The following C1QTNF3 variants were observed in gnomAD, a reference collection of about 807,000 sequenced individuals.
C1QTNF3 encodes the protein C1q and TNF related 3.
A neutral mutation model predicts 32.6 loss-of-function variants in C1QTNF3; 26 were observed. The ratio of observed to expected loss-of-function variants is 0.80; its 90% confidence interval spans 0.58 to 1.11. C1QTNF3 has a LOEUF of 1.11. C1QTNF3 is among the 50% of genes least tolerant of loss of function. The pLI is 0.00. For synonymous variants in C1QTNF3, 155 were observed against 146.0 expected (o/e 1.06, Z -0.44); for missense variants, 362 against 398.2 (o/e 0.91, Z 0.77).
intron 4 of C1QTNF3, among the ~76,000 whole-genome samples, chr5:34,026,142 G>A (rs1316623470): frequency 6.6e-6 from 1 of 152,192 alleles, no homozygotes; most frequent in Admixed American, 6.5e-5. Context: ...GCAACGCTAG[G>A]AGACTGGAAG....
rs1754295350 is a variant in C1QTNF3 at position 34,020,405 on chromosome 5, T to C, written c.*178A>G. 2 of 700,022 alleles carry C rather than the reference T, an allele frequency of 2.9e-6. No homozygotes were observed. The highest frequency in any genetic ancestry group is 4.8e-6 in the Non-Finnish European group (2 of 420,692). 43.4% of individuals were successfully genotyped at this position (700,022 alleles called of 1,614,324 possible). A position where few individuals can be genotyped will look rare whatever the true frequency, so the allele number is the denominator to read the frequency against. On this transcript the variant is annotated 3_prime_UTR_variant, in exon 6 of 6. Transcript: ENST00000382065. Reference sequence around the variant, plus strand: ...TCTGAGAAGACTATTTTGTGGTTGATTCTTCTGAGCCCCTGAATTGTCCAA... The same window carrying C: ...TCTGAGAAGACTATTTTGTGGTTGACTCTTCTGAGCCCCTGAATTGTCCAA...
chr5:34,173,933 G>A, the C1QTNF3 span, among the ~76,000 whole-genome samples: 1 of 152,144 alleles, frequency 6.6e-6, no homozygotes, highest in Non-Finnish European at 1.5e-5. Flanking sequence ...AGTAGAGTCA[G>A]CATGGTCAAA....
the C1QTNF3 span, among the ~76,000 whole-genome samples, chr5:34,115,241 G>A: frequency 1.3e-5 from 2 of 152,074 alleles, no homozygotes; most frequent in Admixed American, 6.5e-5. Flanking sequence ...CAATCTAAAT[G>A]AGTATTAGAT....
At chr5:34,229,991 G>GT in the C1QTNF3 span, among the ~76,000 whole-genome samples, 2 of 152,286 alleles carry the variant, frequency 1.3e-5, no homozygotes, top group African/African-American at 4.8e-5. Flanking sequence ...GAAAGGCCAT[G>GT]TGAACACAGA....
the C1QTNF3 span, among the ~76,000 whole-genome samples, chr5:34,155,764 C>T: frequency 6.6e-6 from 1 of 152,036 alleles, no homozygotes; most frequent in Admixed American, 6.6e-5. Flanking sequence ...AACTACAAAT[C>T]TTGACTGTTG....
At chr5:34,050,012 C>T in the C1QTNF3 span, among the ~76,000 whole-genome samples, 1 of 152,204 alleles carries the variant, frequency 6.6e-6, no homozygotes, top group East Asian at 1.9e-4. Flanking sequence ...AAAAAATTCA[C>T]ACTGTAAAAA....
the C1QTNF3 span, among the ~76,000 whole-genome samples, chr5:34,136,553 G>A: frequency 2.6e-5 from 4 of 152,248 alleles, no homozygotes; most frequent in East Asian, 7.7e-4. Flanking sequence ...CTGTTGGTGG[G>A]AGTGTAAATT....
At chr5:34,216,082 T>C in the C1QTNF3 span, among the ~76,000 whole-genome samples, 2 of 152,338 alleles carry the variant, frequency 1.3e-5, no homozygotes, top group African/African-American at 4.8e-5. Flanking sequence ...GTGTGGATAG[T>C]AAAACAATTA....
the C1QTNF3 span, among the ~76,000 whole-genome samples, chr5:34,234,588 A>G: frequency 1.3e-5 from 2 of 152,022 alleles, no homozygotes; most frequent in Non-Finnish European, 2.9e-5. Context: ...GTCAAAACAC[A>G]AATTATCTGT....
chr5:34,048,289 T>TGAGAGAGAGAGAGAGAGAGAGAGAGAGA, the C1QTNF3 span, among the ~76,000 whole-genome samples: 6 of 141,172 alleles, frequency 4.3e-5, no homozygotes, highest in African/African-American at 1.6e-4. Flanking sequence ...TGTGTGTGCA[T>TGAGAGAGAGAGAGAGAGAGAGAGAGAGA]GAGAGAGAGA....
chr5:34,222,946 T>C, the C1QTNF3 span, among the ~76,000 whole-genome samples: 1 of 151,980 alleles, frequency 6.6e-6, no homozygotes, highest in African/African-American at 2.4e-5. Context: ...ATTAACAGTG[T>C]GCATTTTTAC....
the C1QTNF3 span, among the ~76,000 whole-genome samples, chr5:34,142,442 A>C: frequency 3.4e-5 from 5 of 149,248 alleles, no homozygotes; most frequent in African/African-American, 1.3e-4. Flanking sequence ...AAAAAAAAAA[A>C]AAACAGAAAA....
At chr5:34,233,959 C>T in the C1QTNF3 span, among the ~76,000 whole-genome samples, 7 of 152,072 alleles carry the variant, frequency 4.6e-5, no homozygotes, top group African/African-American at 1.4e-4. Context: ...AGACTTTTTA[C>T]ATTTTGCAAT....
the C1QTNF3 span, among the ~76,000 whole-genome samples, chr5:34,077,188 C>G: frequency 2.0e-5 from 3 of 151,544 alleles, no homozygotes; most frequent in African/African-American, 7.3e-5. Context: ...GTTACACAAC[C>G]GCAGCTGTTT....
the C1QTNF3 span, chr5:34,200,581 G>A: frequency 6.6e-6 from 1 of 152,036 alleles, no homozygotes; most frequent in African/African-American, 2.4e-5. Context: ...TATAAATGAA[G>A]AGTTACATTT....
chr5:34,134,770 T>C, the C1QTNF3 span, among the ~76,000 whole-genome samples: 1 of 152,212 alleles, frequency 6.6e-6, no homozygotes, highest in African/African-American at 2.4e-5. Flanking sequence ...GCATATTGAT[T>C]TTGTATCCTG....
the C1QTNF3 span, chr5:34,164,769 A>G: frequency 6.6e-6 from 1 of 152,024 alleles, no homozygotes; most frequent in Non-Finnish European, 1.5e-5. Context: ...CATAAATTCT[A>G]TATAAGTAAA....
the C1QTNF3 span, among the ~76,000 whole-genome samples, chr5:34,213,692 G>GTATATATATATATA: frequency 2.1e-4 from 21 of 100,910 alleles, no homozygotes; most frequent in African/African-American, 7.2e-4. Context: ...TGTTGTGTGT[G>GTATATATATATATA]TGTATATATA....
chr5:34,130,109 C>G, the C1QTNF3 span, among the ~76,000 whole-genome samples: 6 of 151,434 alleles, frequency 4.0e-5, no homozygotes, highest in Non-Finnish European at 8.8e-5. Flanking sequence ...TTGTCTTTTT[C>G]TCTGATCACT....
Sources: allele counts gnomAD v4.1 joint callset (sites outside exome capture counted in the v4.1 genomes callset), GRCh38; gene constraint gnomAD v4.1.1; transcripts MANE v1.5; gene names NCBI Gene and HGNC (gene_info 2026-07-23, HGNC 2026-07-21).